The following PLCE1 variants were observed in gnomAD, a reference collection of about 807,000 sequenced individuals.
The protein encoded by PLCE1 is phospholipase C epsilon 1, also known as 1-phosphatidylinositol 4,5-bisphosphate phosphodiesterase epsilon-1.
PLCE1 carries 119 observed loss-of-function variants against 242.8 expected under a neutral mutation model. The ratio of observed to expected loss-of-function variants is 0.49; its 90% CI spans 0.42 to 0.57. The LOEUF is 0.57. PLCE1 is among the 20% of genes least tolerant of loss of function. The probability of loss-of-function intolerance (pLI) is 0.00; values close to 1 mark genes in which losing one functional copy is unlikely to be tolerated. For missense variants in PLCE1, 2,441 were observed against 2,788.8 expected, an observed-to-expected ratio of 0.88 and a Z score of 2.81; for synonymous variants, 945 against 1,017.4, an observed-to-expected ratio of 0.93 and a Z score of 1.35.
chr10:94,270,418 T>A, intron 17 of PLCE1, 68 bp from the exon 18 acceptor site: 1 of 1,005,432 alleles, frequency 9.9e-7, no homozygotes, highest in Middle Eastern at 2.1e-4. Context: ...TCTGTGGCTA[T>A]AACTACCCTG....
intron 24 of PLCE1, among the ~76,000 whole-genome samples, chr10:94,300,289 C>A (rs2052988104): frequency 6.6e-6 from 1 of 152,170 alleles, no homozygotes; most frequent in Admixed American, 6.5e-5. Context: ...ATGGGCCATC[C>A]TGCAGTCCAG....
chr10:94,311,612 A>G (rs774146721), intron 27 of PLCE1, among the ~76,000 whole-genome samples: 3 of 151,964 alleles, frequency 2.0e-5, no homozygotes, highest in Non-Finnish European at 4.4e-5. Flanking sequence ...TGATCATTCT[A>G]TTTCCTTAGT....
intron 2 of PLCE1, among the ~76,000 whole-genome samples, chr10:94,077,469 G>A (rs1182500884): frequency 6.6e-6 from 1 of 152,186 alleles, no homozygotes; most frequent in Admixed American, 6.5e-5. Context: ...CCTACTGGCA[G>A]TCACTTAAGG....
At chr10:94,234,596 C>T (rs1177129894) in intron 6 of PLCE1, among the ~76,000 whole-genome samples, 3 of 152,116 alleles carry the variant, frequency 2.0e-5, no homozygotes, top group African/African-American at 7.2e-5. Flanking sequence ...TAAAGATTGA[C>T]AGGTTTTTCT....
chr10:94,283,914 G>T lies in PLCE1; in HGVS notation c.4917+3G>T, dbSNP rs756248824. ...ACTCTGCTTGCAACAAAGGAAAGGT[G>T]GGTGAACGGTTTCTGTTAAATGACA... is the stretch of plus-strand genomic sequence containing the variant. On this transcript the variant is annotated splice_donor_region_variant and intron_variant, in intron 21 of 32. Transcript: ENST00000371380. 5 of 1,610,060 alleles carry T rather than the reference G, an allele frequency of 3.1e-6. No homozygotes were observed. Among genetic ancestry groups the T allele is most frequent in the African/African-American group, 1.3e-5 (1 of 74,786 alleles).
At chr10:94,110,967 C>T (rs1214687585) in intron 2 of PLCE1, among the ~76,000 whole-genome samples, 1 of 152,172 alleles carries the variant, frequency 6.6e-6, no homozygotes, top group African/African-American at 2.4e-5. Context: ...TCAGTTGTGA[C>T]AAACAAAAAT....
At chr10:94,322,368 A>AG (rs1167928204) in intron 30 of PLCE1, among the ~76,000 whole-genome samples, 1 of 151,948 alleles carries the variant, frequency 6.6e-6, no homozygotes, top group Non-Finnish European at 1.5e-5. Context: ...GAAAAAAAAA[A>AG]CAACCAACCC....
At chr10:94,211,152 G>T (rs2049319259) in intron 4 of PLCE1, among the ~76,000 whole-genome samples, 1 of 152,172 alleles carries the variant, frequency 6.6e-6, no homozygotes. Context: ...CTTGGCTTTT[G>T]CCTAACTAGG....
intron 2 of PLCE1, among the ~76,000 whole-genome samples, chr10:94,035,469 T>C (rs553152271): frequency 6.6e-6 from 1 of 152,190 alleles, no homozygotes; most frequent in Non-Finnish European, 1.5e-5. Flanking sequence ...AAAGGGATGA[T>C]GCAAATTGTC....
chr10:94,257,359 CA>C lies in PLCE1; in HGVS notation c.3555-1432del, dbSNP rs933158048. Among the ~76,000 whole-genome samples, 88 of 148,898 alleles carry C rather than the reference CA, an allele frequency of 5.9e-4. No individual in the cohort carries two copies. In the Middle Eastern group the frequency reaches 0.014, roughly 24 times the overall value. ...CAAAAAAAACTTTTAAAATCCAAGA[CA>C]AAAAAAAACAGGTCCTCTAGAACTA... is the stretch of plus-strand genomic sequence containing the variant. On this transcript the variant is annotated intron_variant, in intron 11 of 32. Coordinates refer to ENST00000371380, the MANE Select transcript of PLCE1 (RefSeq NM_016341.4).
chr10:94,146,406 A>G (rs926179048), intron 3 of PLCE1, among the ~76,000 whole-genome samples: 1 of 152,176 alleles, frequency 6.6e-6, no homozygotes, highest in African/African-American at 2.4e-5. Flanking sequence ...CATTGTAAAA[A>G]ATCTCCCGCC....
intron 2 of PLCE1, among the ~76,000 whole-genome samples, chr10:94,124,704 A>G (rs1424071246): frequency 6.6e-6 from 1 of 152,224 alleles, no homozygotes; most frequent in Non-Finnish European, 1.5e-5. Flanking sequence ...AGCAGAGTCA[A>G]TACATTAATC....
At position 94,195,782 on chromosome 10, in the gene PLCE1, G is replaced by T. The variant is rs139758356; in HGVS notation, c.1809+24286G>T. On this transcript the variant is annotated intron_variant, in intron 4 of 32. Transcript: ENST00000371380. The stretch of plus-strand genomic sequence containing the variant: ...AATCCTGACTTTTGGGAATTTCTTT[G>T]ATATCTGTACTATACATCTAAAAAA... 5.5e-3 allele frequency among the ~76,000 whole-genome samples: 841 copies of T among 152,184 alleles called. 13 individuals are homozygous for T. The highest frequency in any genetic ancestry group is 0.019 in the African/African-American group (786 of 41,514).
In PLCE1 at chr10:94,234,544, T is replaced by C. The variant is rs75188303; in HGVS notation, c.2214+232T>C. On this transcript the variant is annotated intron_variant, in intron 6 of 32. Transcript: ENST00000371380. ...TAGTTTTAATGTATTAGGTTTAATA[T>C]GTAAGTACAAGTCAAAAAGGGTGTT... Among the ~76,000 whole-genome samples the C allele has an allele frequency of 3.2e-4, 48 of 152,360 alleles. No individual in the cohort carries two copies. The East Asian group carries it at 9.0e-3, about 29-fold the overall frequency.
chr10:94,219,494 A>C (rs143470493), intron 4 of PLCE1, among the ~76,000 whole-genome samples: 1 of 152,182 alleles, frequency 6.6e-6, no homozygotes, highest in South Asian at 2.1e-4. Flanking sequence ...GATTCCAACA[A>C]AAAGGTTGTC....
intron 1 of PLCE1, among the ~76,000 whole-genome samples, chr10:93,999,671 C>T (rs1053695439): frequency 3.9e-5 from 6 of 152,186 alleles, no homozygotes; most frequent in African/African-American, 1.4e-4. Flanking sequence ...CTGGGCTGGC[C>T]TCCCTCTCGC....
chr10:94,124,381 GAAAAA>G (rs981911349), intron 2 of PLCE1, among the ~76,000 whole-genome samples: 1 of 58,588 alleles, frequency 1.7e-5, no homozygotes, highest in Admixed American at 1.9e-4. Context: ...TTGTCTCAGA[GAAAAA>G]AAAAAAAAAA....
In PLCE1 at chr10:94,171,513, T is replaced by C. The variant is rs1371649435; in HGVS notation, c.1809+17T>C. On this transcript the variant is annotated intron_variant, in intron 4 of 32. Transcript: ENST00000371380. ...TTTAATGAGGTAAGAAGCCACTTTT[T>C]GATGTCTTGGTATTTGACTCACCCG... 4.4e-6 allele frequency: 7 copies of C among 1,602,038 alleles called. No homozygotes were observed. The highest frequency in any genetic ancestry group is 5.1e-6 in the Non-Finnish European group (6 of 1,168,914).
chr10:94,325,423 C>T (rs967601199), intron 32 of PLCE1: 2 of 284,532 alleles, frequency 7.0e-6, no homozygotes, highest in African/African-American at 4.4e-5. Flanking sequence ...TGGAGAAACC[C>T]CGTCTCTACT....
Sources: gnomAD v4.1 joint callset for allele counts (sites outside exome capture counted in the v4.1 genomes callset) on GRCh38, gnomAD v4.1.1 for gene constraint, MANE v1.5 for transcripts, NCBI Gene and HGNC (gene_info 2026-07-23, HGNC 2026-07-21) for gene names.